Variants in AKNA observed in about 807,000 individuals in gnomAD.
The protein encoded by AKNA is microtubule organization protein AKNA.
In AKNA, 67 loss-of-function variants were observed where a neutral mutation model predicts 138.8. The ratio of observed to expected loss-of-function variants is 0.48; its 90% CI spans 0.40 to 0.59. The LOEUF is 0.59. AKNA is among the 20% of genes least tolerant of loss of function. The pLI, the probability that AKNA is intolerant of heterozygous loss-of-function variation, is 0.00. For synonymous variants in AKNA, 737 were observed against 754.4 expected (o/e 0.98, Z 0.38); for missense variants, 1,813 against 1,880.4 (o/e 0.96, Z 0.66).
chr9:114,373,943 G>T, intron 4 of AKNA, 150 bp downstream of exon 4: 1 of 622,178 alleles, frequency 1.6e-6, no homozygotes. Context: ...CAAGGTCACA[G>T]AGGGACCTTG....
upstream of AKNA, among the ~76,000 whole-genome samples, chr9:114,397,189 G>A (rs1834560718): frequency 6.6e-6 from 1 of 152,164 alleles, no homozygotes; most frequent in South Asian, 2.1e-4. Flanking sequence ...ACTGCCCCAG[G>A]AATAAACCCA....
At chr9:114,374,504 T>C (rs1476266183) in intron 3 of AKNA, among the ~76,000 whole-genome samples, 1 of 152,222 alleles carries the variant, frequency 6.6e-6, no homozygotes, top group African/African-American at 2.4e-5. Flanking sequence ...TGCCCACCGG[T>C]TGGCTCTGTG....
intron 9 of AKNA, 69 bp from the exon 10 acceptor site, chr9:114,360,131 C>T: frequency 6.2e-7 from 1 of 1,601,200 alleles, no homozygotes; most frequent in Non-Finnish European, 8.5e-7. Flanking sequence ...GCACTTACCT[C>T]CTGCCAGGCT....
Position 114,341,598 on chromosome 9 carries a change from T to C in AKNA, c.4002A>G (p.Ala1334=), listed in dbSNP as rs888553778. The C allele has an allele frequency of 6.2e-7, 1 of 1,613,856 alleles. No individual in the cohort carries two copies. Among genetic ancestry groups the C allele is most frequent in the Non-Finnish European group, 8.5e-7 (1 of 1,179,940 alleles). The change falls in exon 21 of 22, where the codon GCA becomes GCG. Residue 1334 remains alanine (A), a synonymous_variant. Transcript: ENST00000374088. The stretch of plus-strand genomic sequence containing the variant: ...TGTAGGCAAAGGCTGGAGGGGCTGG[T>C]GCTGGGGGCGCTGTTGCCAGATACC... ...GLWYLATAPP[A]PAPPAFAYIS...
At position 114,357,943 on chromosome 9, in the gene AKNA, C is replaced by T. The variant is rs375223060; in HGVS notation, c.2717G>A (p.Arg906Gln). 2.8e-5 allele frequency: 45 copies of T among 1,599,074 alleles called. No homozygotes were observed. In the East Asian group the frequency reaches 5.4e-4, roughly 19 times the overall value. The change falls in exon 12 of 22, where the codon CGA becomes CAA. Residue 906 changes from arginine to glutamine, a missense_variant. By Grantham distance (43) the Arg-to-Gln change is conservative. Coordinates refer to ENST00000374088, the MANE Select transcript of AKNA (RefSeq NM_001317950.2). ...TACCTCCAGGTGGGGCCCACCGCCT[C>T]GGTGCAAAGGCTTCTGTGGAAGGCG... ...SERLPQKPLH[R>Q]GGGPHLEETW...
intron 14 of AKNA, among the ~76,000 whole-genome samples, chr9:114,354,034 C>G (rs1831313568): frequency 6.6e-6 from 1 of 152,182 alleles, no homozygotes; most frequent in African/African-American, 2.4e-5. Flanking sequence ...AATAATTAAT[C>G]AAGTTTAACT....
At chr9:114,394,098 G>C (rs1834454074) in intron 1 of AKNA, among the ~76,000 whole-genome samples, 1 of 152,026 alleles carries the variant, frequency 6.6e-6, no homozygotes, top group African/African-American at 2.4e-5. Context: ...GCCTCAACCT[G>C]GGAGGCAGAG....
chr9:114,354,442 G>A (rs1010381576), intron 14 of AKNA, among the ~76,000 whole-genome samples: 44 of 152,156 alleles, frequency 2.9e-4, no homozygotes, highest in African/African-American at 1.2e-4. Context: ...GGCTGGGCGC[G>A]GTGGCTCACG....
At chr9:114,397,830 C>G (rs369924922), upstream of AKNA, among the ~76,000 whole-genome samples, 140 of 152,266 alleles carry the variant, frequency 9.2e-4, 2 homozygotes, top group East Asian at 9.7e-3. Flanking sequence ...GCTGCCTACC[C>G]GACACTGGCC....
intron 4 of AKNA, among the ~76,000 whole-genome samples, chr9:114,373,796 G>A (rs80151667): frequency 0.029 from 4,395 of 149,726 alleles, 217 homozygotes; most frequent in African/African-American, 0.1. Context: ...TGAAGCAAGA[G>A]GATCCCTTGA....
intron 16 of AKNA, among the ~76,000 whole-genome samples, chr9:114,347,284 A>G (rs1830750139): frequency 2.0e-5 from 3 of 152,098 alleles, no homozygotes; most frequent in African/African-American, 7.2e-5. Flanking sequence ...CAGTGGCACA[A>G]TCTCAGCTCA....
At chr9:114,358,207 G>A (rs747615477) in intron 11 of AKNA, 40 bp from the exon 12 acceptor site, 47 of 1,610,980 alleles carry the variant, frequency 2.9e-5, no homozygotes, top group Non-Finnish European at 3.5e-5. Flanking sequence ...GTTCTGCCAG[G>A]CAGCCCTGAC....
intron 6 of AKNA, among the ~76,000 whole-genome samples, chr9:114,367,245 CAG>C (rs1832428104): frequency 2.0e-5 from 3 of 152,070 alleles, no homozygotes; most frequent in Admixed American, 6.5e-5. Flanking sequence ...TGAAAGAGCT[CAG>C]AGTTTCCCGG....
upstream of AKNA, among the ~76,000 whole-genome samples, chr9:114,394,878 G>A (rs1327091493): frequency 6.6e-6 from 1 of 152,184 alleles, no homozygotes; most frequent in African/African-American, 2.4e-5. Flanking sequence ...CCAAGACCCC[G>A]AGGAGACTGA....
rs1206132946 is a variant in AKNA at position 114,336,531 on chromosome 9, T to C, written c.*523A>G. ...ACCCTGGGGCCCTGACATCCTAAAA[T>C]GCCCCACTGACTACCAGTCACTAGG... On this transcript the variant is annotated 3_prime_UTR_variant, in exon 22 of 22. Transcript: ENST00000374088. 1 of 152,940 alleles carries C rather than the reference T, an allele frequency of 6.5e-6. No homozygotes were observed. Among genetic ancestry groups the C allele is most frequent in the Non-Finnish European group, 1.5e-5 (1 of 68,552 alleles). The allele number at this position is 152,940 out of a possible 1,614,324, so 9.5% of individuals were successfully genotyped here.
At chr9:114,373,712 C>G (rs145647023) in intron 4 of AKNA, among the ~76,000 whole-genome samples, 1 of 148,212 alleles carries the variant, frequency 6.7e-6, no homozygotes, top group Non-Finnish European at 1.5e-5. Flanking sequence ...GACCCCGTCT[C>G]TACAAAACAT....
intron 15 of AKNA, chr9:114,348,952 G>C (rs774881989): frequency 6.6e-6 from 3 of 456,210 alleles, no homozygotes; most frequent in South Asian, 4.6e-5. Flanking sequence ...TGAGCGCTCA[G>C]ATGACTGTGT....
chr9:114,349,016 C>T, intron 15 of AKNA: 1 of 454,114 alleles, frequency 2.2e-6, no homozygotes, highest in South Asian at 1.5e-5. Flanking sequence ...GTGTGTGTGT[C>T]TGAGGGCAGT....
downstream of AKNA, among the ~76,000 whole-genome samples, chr9:114,332,426 A>G (rs1325696706): frequency 6.6e-5 from 10 of 151,984 alleles, no homozygotes; most frequent in Admixed American, 5.2e-4. Context: ...TTTTCTTTAA[A>G]CCTGTGTTTG....
Sources: allele counts gnomAD v4.1 joint callset (sites outside exome capture counted in the v4.1 genomes callset), GRCh38; gene constraint gnomAD v4.1.1; transcripts MANE v1.5; gene names NCBI Gene and HGNC (gene_info 2026-07-23, HGNC 2026-07-21).